The following CCDC7 variants were observed in gnomAD, a reference collection of about 807,000 sequenced individuals.
CCDC7 encodes coiled-coil domain containing 7.
Under a neutral mutation model 196.9 loss-of-function variants are expected in CCDC7, and 183 were observed. That is an observed-to-expected ratio of 0.93 (90% confidence interval 0.82 to 1.05). CCDC7 has a LOEUF of 1.05. Among genes scored for constraint, CCDC7 ranks in the 50% least tolerant of loss-of-function variants. The probability of loss-of-function intolerance (pLI) is 0.00; values close to 1 mark genes in which losing one functional copy is unlikely to be tolerated. For synonymous variants in CCDC7, 525 were observed against 484.6 expected (o/e 1.08, Z -1.10); for missense variants, 1,540 against 1,482.2 (o/e 1.04, Z -0.64).
chr10:32,857,635 C>T (rs2093803414), intron 41 of CCDC7, among the ~76,000 whole-genome samples: 1 of 151,798 alleles, frequency 6.6e-6, no homozygotes, highest in Non-Finnish European at 1.5e-5. Context: ...AAAAGTAATT[C>T]TAAGAGGGAA....
intron 9 of CCDC7, among the ~76,000 whole-genome samples, chr10:32,498,683 TTTTC>T (rs1332867235): frequency 1.3e-5 from 2 of 152,194 alleles, no homozygotes; most frequent in Non-Finnish European, 2.9e-5. Flanking sequence ...TTGAAAATTC[TTTTC>T]TTTAAGAATG....
intron 20 of CCDC7, among the ~76,000 whole-genome samples, chr10:32,643,931 C>G (rs1313978378): frequency 1.3e-5 from 2 of 149,714 alleles, no homozygotes; most frequent in African/African-American, 4.9e-5. Context: ...GAATTGTGGT[C>G]TTTTACTTAA....
At chr10:32,785,489 C>T (rs1040343935) in intron 29 of CCDC7, among the ~76,000 whole-genome samples, 2 of 151,560 alleles carry the variant, frequency 1.3e-5, no homozygotes, top group Non-Finnish European at 2.9e-5. Context: ...TTAAAGGTTG[C>T]ATATGATAGA....
At chr10:32,875,485 T>C (rs1399829784) in intron 41 of CCDC7, among the ~76,000 whole-genome samples, 1 of 152,030 alleles carries the variant, frequency 6.6e-6, no homozygotes, top group East Asian at 1.9e-4. Context: ...TCTGTTTCAT[T>C]GGTCGGTGTG....
At chr10:32,568,882 C>A (rs1317846981) in intron 15 of CCDC7, among the ~76,000 whole-genome samples, 1 of 152,182 alleles carries the variant, frequency 6.6e-6, no homozygotes. Flanking sequence ...CTTTCTCGCT[C>A]CAAAATCACA....
intron 29 of CCDC7, among the ~76,000 whole-genome samples, chr10:32,791,297 T>C (rs2082665828): frequency 6.7e-6 from 1 of 150,076 alleles, no homozygotes; most frequent in South Asian, 2.1e-4. Context: ...GCTCTAACAG[T>C]GTGCAGACCT....
chr10:32,745,118 G>C (rs1366106352), intron 28 of CCDC7, among the ~76,000 whole-genome samples: 1 of 152,126 alleles, frequency 6.6e-6, no homozygotes, highest in Non-Finnish European at 1.5e-5. Flanking sequence ...CATTAAAATT[G>C]GTTGACCATA....
At chr10:32,811,764 A>G (rs1276881518) in intron 30 of CCDC7, among the ~76,000 whole-genome samples, 4 of 152,090 alleles carry the variant, frequency 2.6e-5, no homozygotes, top group Non-Finnish European at 5.9e-5. Flanking sequence ...ACAAGGACAT[A>G]AAAAAATAAA....
chr10:32,720,441 G>C (rs2082243674), intron 25 of CCDC7, among the ~76,000 whole-genome samples: 1 of 151,906 alleles, frequency 6.6e-6, no homozygotes, highest in Admixed American at 6.6e-5. Flanking sequence ...GGGTCAAGGG[G>C]AGGGATAGCA....
At chr10:32,689,510 G>T (rs1289556396) in intron 23 of CCDC7, among the ~76,000 whole-genome samples, 2 of 152,116 alleles carry the variant, frequency 1.3e-5, no homozygotes, top group Non-Finnish European at 2.9e-5. Flanking sequence ...AATCAGCAAA[G>T]ATATTGCTAA....
chr10:32,640,864 C>CTTTTTTTTTTTTTTTTTT lies in CCDC7; in HGVS notation c.2014+5717_2014+5718insTTTTTTTTTTTTTTTTTT, dbSNP rs753769301. On this transcript the variant is annotated intron_variant, in intron 20 of 41. Coordinates refer to ENST00000639629, the Ensembl canonical transcript of CCDC7. Reference sequence around the variant, plus strand: ...CAGTCTCTTCTGGCTTGTAGATTTTCTTTTTTTTTTTCTTTTTTTTTTTAT... The same window carrying CTTTTTTTTTTTTTTTTTT: ...CAGTCTCTTCTGGCTTGTAGATTTTCTTTTTTTTTTTTTTTTTTTTTTTTTTTTTCTTTTTTTTTTTAT... 5.1e-4 allele frequency among the ~76,000 whole-genome samples: 38 copies of CTTTTTTTTTTTTTTTTTT among 74,538 alleles called. 1 individual carries two copies. The highest frequency in any genetic ancestry group is 1.1e-3 in the South Asian group (2 of 1,746). The allele number at this position is 74,538 out of a possible 152,430, so 48.9% of individuals were successfully genotyped here. A position where few individuals can be genotyped will look rare whatever the true frequency, so the allele number is the denominator to read the frequency against.
Position 32,848,726 on chromosome 10 carries a change from A to G in CCDC7, c.3895+8A>G. 3 of 1,522,410 alleles carry G rather than the reference A, an allele frequency of 2.0e-6. No individual in the cohort carries two copies. Among genetic ancestry groups the G allele is most frequent in the Non-Finnish European group, 2.7e-6 (3 of 1,098,274 alleles). 94.3% of individuals were successfully genotyped at this position (1,522,410 alleles called of 1,614,324 possible). A position where few individuals can be genotyped will look rare whatever the true frequency, so the allele number is the denominator to read the frequency against. ...CACCCTTTGAAAATAAAGGTAAAGA[A>G]TTATGTATGTAGATATGAATTCAGT... On this transcript the variant is annotated splice_region_variant and intron_variant, in intron 39 of 41. Coordinates refer to ENST00000639629, the Ensembl canonical transcript of CCDC7.
At chr10:32,769,872 G>A (rs1392046148) in intron 28 of CCDC7, among the ~76,000 whole-genome samples, 1 of 152,106 alleles carries the variant, frequency 6.6e-6, no homozygotes, top group African/African-American at 2.4e-5. Flanking sequence ...TCTTTATCCA[G>A]TCTATCATTG....
At chr10:32,859,344 G>C (rs1191215938) in intron 41 of CCDC7, among the ~76,000 whole-genome samples, 2 of 152,170 alleles carry the variant, frequency 1.3e-5, no homozygotes, top group East Asian at 3.8e-4. Flanking sequence ...AATGAAGGCA[G>C]AGATAAAGAT....
intron 11 of CCDC7, among the ~76,000 whole-genome samples, chr10:32,534,835 T>C (rs1347184416): frequency 6.6e-6 from 1 of 152,110 alleles, no homozygotes; most frequent in Admixed American, 6.5e-5. Flanking sequence ...GATGGTAGTT[T>C]TACTTTTCTT....
At chr10:32,875,183 G>T (rs143336374) in intron 41 of CCDC7, among the ~76,000 whole-genome samples, 1 of 151,796 alleles carries the variant, frequency 6.6e-6, no homozygotes, top group East Asian at 1.9e-4. Context: ...CATGCTTTTG[G>T]CATCTTCGTC....
chr10:32,813,764 A>G (rs559082496), intron 30 of CCDC7, among the ~76,000 whole-genome samples: 1 of 152,296 alleles, frequency 6.6e-6, no homozygotes, highest in Non-Finnish European at 1.5e-5. Flanking sequence ...CTGGTTAAGA[A>G]ATTGTGCAGC....
intron 31 of CCDC7, among the ~76,000 whole-genome samples, chr10:32,817,144 G>T (rs1208727874): frequency 3.9e-5 from 6 of 152,090 alleles, no homozygotes; most frequent in Non-Finnish European, 2.9e-5. Context: ...GTCCTTAAAG[G>T]ACCTGATGGA....
chr10:32,805,277 C>G (rs1383855284), intron 30 of CCDC7, among the ~76,000 whole-genome samples, 179 bp downstream of exon 31: 1 of 152,102 alleles, frequency 6.6e-6, no homozygotes, highest in Non-Finnish European at 1.5e-5. Flanking sequence ...GTAAAGCTAG[C>G]TAGATATTAT....
Sources: gnomAD v4.1 joint callset for allele counts (sites outside exome capture counted in the v4.1 genomes callset) on GRCh38, gnomAD v4.1.1 for gene constraint, MANE v1.5 for transcripts, NCBI Gene and HGNC (gene_info 2026-07-23, HGNC 2026-07-21) for gene names.